Variants in LIMCH1 observed in about 807,000 individuals in gnomAD.
LIMCH1 encodes LIM and calponin homology domains-containing protein 1.
A neutral mutation model predicts 176.5 loss-of-function variants in LIMCH1; 113 were observed. The observed-to-expected ratio is 0.64, with a 90% CI of 0.55 to 0.75. The LOEUF (loss-of-function observed/expected upper bound fraction) is 0.75, where lower values mean the gene tolerates loss of function less well. Among genes scored for constraint, LIMCH1 ranks in the 30% least tolerant of loss-of-function variants. The pLI, the probability that LIMCH1 is intolerant of heterozygous loss-of-function variation, is 0.00. For synonymous variants in LIMCH1, 619 were observed against 645.9 expected, an observed-to-expected ratio of 0.96 and a Z score of 0.63; for missense variants, 1,674 against 1,814.9, an observed-to-expected ratio of 0.92 and a Z score of 1.41.
chr4:41,585,930 C>G (rs920688276), intron 1 of LIMCH1, among the ~76,000 whole-genome samples: 6 of 152,174 alleles, frequency 3.9e-5, no homozygotes, highest in African/African-American at 7.2e-5. Context: ...ATTGATCACA[C>G]AGTTGGATGT....
chr4:41,625,743 T>A (rs1404740444), intron 7 of LIMCH1, among the ~76,000 whole-genome samples: 8 of 152,202 alleles, frequency 5.3e-5, no homozygotes, highest in African/African-American at 1.7e-4. Context: ...CTGGCTGGGT[T>A]CACAAGATGC....
intron 13 of LIMCH1, among the ~76,000 whole-genome samples, chr4:41,636,348 T>TTC (rs1196911595): frequency 1.3e-4 from 20 of 149,768 alleles, no homozygotes; most frequent in Admixed American, 3.3e-4. Context: ...TACTTTTTTT[T>TTC]TTTTTTTTTT....
chr4:41,421,131 G>A (rs143299666), intron 1 of LIMCH1, among the ~76,000 whole-genome samples: 214 of 152,266 alleles, frequency 1.4e-3, no homozygotes, highest in Non-Finnish European at 2.6e-3. Context: ...AGACTTCCAC[G>A]GGGTTGGATC....
chr4:41,603,624 A>G (rs1426922452), intron 2 of LIMCH1, among the ~76,000 whole-genome samples: 3 of 152,208 alleles, frequency 2.0e-5, no homozygotes, highest in African/African-American at 7.2e-5. Flanking sequence ...TTCTATTTCC[A>G]GAAATTATAA....
intron 1 of LIMCH1, among the ~76,000 whole-genome samples, chr4:41,581,531 G>A (rs2085435299): frequency 6.6e-6 from 1 of 152,050 alleles, no homozygotes; most frequent in African/African-American, 2.4e-5. Context: ...TGACAGCCGG[G>A]CGCAGTGGCT....
chr4:41,510,734 G>A (rs560668780), intron 2 of LIMCH1, among the ~76,000 whole-genome samples: 37 of 152,136 alleles, frequency 2.4e-4, no homozygotes, highest in Admixed American at 6.5e-4. Context: ...GATTACAGGC[G>A]TCTGCCACCA....
rs983357144 is a variant in LIMCH1 at position 41,545,167 on chromosome 4, A to C, written c.-241+6817A>C. Among the ~76,000 whole-genome samples the C allele has an allele frequency of 9.2e-5, 14 of 152,190 alleles. 1 individual carries two copies. Among genetic ancestry groups the C allele is most frequent in the Admixed American group, 5.9e-4 (9 of 15,280 alleles). ...TGAGTTGGAATGCTAAGAAAAACTTAAGAGATATTTTTAGCAAAAATGAAA... is the reference window on the plus strand; with the variant it reads ...TGAGTTGGAATGCTAAGAAAAACTTCAGAGATATTTTTAGCAAAAATGAAA... On this transcript the variant is annotated intron_variant, in intron 1 of 31. Transcript: ENST00000503057.
At chr4:41,593,630 GT>G (rs1246786395) in intron 1 of LIMCH1, among the ~76,000 whole-genome samples, 2 of 152,180 alleles carry the variant, frequency 1.3e-5, no homozygotes, top group African/African-American at 2.4e-5. Flanking sequence ...GAATGGTATG[GT>G]GAATAAGCGA....
rs182476030 is a variant in LIMCH1 at position 41,523,662 on chromosome 4, A to C, written c.168-747A>C. Among the ~76,000 whole-genome samples the C allele has an allele frequency of 3.1e-3, 466 of 152,298 alleles. 1 individual carries two copies. Among genetic ancestry groups the C allele is most frequent in the Non-Finnish European group, 4.1e-3 (276 of 68,012 alleles). On this transcript the variant is annotated intron_variant, in intron 2 of 26. Transcript: ENST00000313860. ...TTACCCCGATGCTAACCATATTTTA[A>C]TTTTATAAGTTGCTTTCCTTGTTTC... is the stretch of plus-strand genomic sequence containing the variant.
At chr4:41,557,267 C>T (rs1311295442) in intron 1 of LIMCH1, among the ~76,000 whole-genome samples, 1 of 152,064 alleles carries the variant, frequency 6.6e-6, no homozygotes, top group East Asian at 1.9e-4. Flanking sequence ...GTCATCATGA[C>T]CAACAATGTC....
intron 1 of LIMCH1, among the ~76,000 whole-genome samples, chr4:41,597,782 A>G (rs1030524455): frequency 2.0e-5 from 3 of 152,226 alleles, no homozygotes; most frequent in Non-Finnish European, 2.9e-5. Flanking sequence ...TGCTAGTGAC[A>G]TATCACAGAG....
At chr4:41,540,663 C>T (rs559842161) in intron 1 of LIMCH1, among the ~76,000 whole-genome samples, 5 of 152,110 alleles carry the variant, frequency 3.3e-5, no homozygotes, top group South Asian at 4.2e-4. Flanking sequence ...CGCTTGAACC[C>T]GGGAGGTGGA....
At chr4:41,527,843 A>C (rs541951644) in intron 3 of LIMCH1, among the ~76,000 whole-genome samples, 6,640 of 150,332 alleles carry the variant, frequency 0.044, 206 homozygotes, top group East Asian at 0.1. Flanking sequence ...AAAAAAAAAA[A>C]AAAAAACTGC....
At position 41,666,615 on chromosome 4, in the gene LIMCH1, G is replaced by A. The variant is rs1379504689; in HGVS notation, c.3346G>A (p.Asp1116Asn). 1 of 1,613,846 alleles carries A rather than the reference G, an allele frequency of 6.2e-7. No homozygotes were observed. Among genetic ancestry groups the A allele is most frequent in the Non-Finnish European group, 8.5e-7 (1 of 1,179,914 alleles). Reference protein sequence around the residue: ...PEATLTFPFLDKMPEANQLHL... With the variant: ...PEATLTFPFLNKMPEANQLHL... ...AGCAACGCTGACATTTCCATTTCTGGACAAAATGCCTGAAGCCAACCAACT... is the reference window on the plus strand; with the variant it reads ...AGCAACGCTGACATTTCCATTTCTGAACAAAATGCCTGAAGCCAACCAACT... The change falls in exon 21 of 32, where the codon GAC (aspartate) becomes AAC (asparagine). Residue 1116 changes from aspartate to asparagine, a missense_variant. Physicochemically the swap from Asp to Asn is conservative, Grantham distance 23 (BLOSUM62 1). Transcript: ENST00000503057.
At chr4:41,459,566 G>A (rs1210460618) in intron 1 of LIMCH1, among the ~76,000 whole-genome samples, 2 of 152,056 alleles carry the variant, frequency 1.3e-5, no homozygotes, top group Non-Finnish European at 2.9e-5. Flanking sequence ...CCTCCCAAAG[G>A]GTTGGGATTA....
upstream of LIMCH1, among the ~76,000 whole-genome samples, chr4:41,535,392 G>C (rs1231870206): frequency 6.6e-6 from 1 of 152,108 alleles, no homozygotes; most frequent in Non-Finnish European, 1.5e-5. Flanking sequence ...CTGTAGGTTA[G>C]AAGTCTGAGA....
intron 1 of LIMCH1, among the ~76,000 whole-genome samples, chr4:41,428,327 C>T (rs2061302406): frequency 1.3e-5 from 2 of 152,168 alleles, no homozygotes; most frequent in Admixed American, 6.5e-5. Context: ...GTAGTACCTC[C>T]TCCGTGCTAT....
chr4:41,388,634 T>A (rs4861100), intron 1 of LIMCH1, among the ~76,000 whole-genome samples: 55,213 of 151,864 alleles, frequency 0.36, 11,254 homozygotes, highest in African/African-American at 0.56. Context: ...ATGCAGGCTA[T>A]GCATCCATTA....
rs2093434814 is a variant in LIMCH1 at position 41,633,551 on chromosome 4, G to A, written c.1833G>A (p.Val611=). ...ERSEDSSQPL[V]CPLASECEAS... ...GCTGGACTGAATGTTGCCCTAGGGT[G>A]TGTCCTCTGGCCTCTGAGTGTGAGG... The change falls in exon 13 of 32, where the codon GTG becomes GTA. Residue 611 remains valine (V), a synonymous_variant. Coordinates refer to ENST00000503057, the MANE Select transcript of LIMCH1 (RefSeq NM_001330672.2). 2.0e-6 allele frequency: 3 copies of A among 1,536,028 alleles called. No individual in the cohort carries two copies. The highest frequency in any genetic ancestry group is 1.7e-4 in the Middle Eastern group (1 of 5,886).
Sources: gnomAD v4.1 joint callset for allele counts (sites outside exome capture counted in the v4.1 genomes callset) on GRCh38, gnomAD v4.1.1 for gene constraint, MANE v1.5 for transcripts, NCBI Gene and HGNC (gene_info 2026-07-23, HGNC 2026-07-21) for gene names.